The following DIAPH2 variants were observed in gnomAD, a reference collection of about 807,000 sequenced individuals.
The protein encoded by DIAPH2 is diaphanous related formin 2.
In DIAPH2, 35 loss-of-function variants were observed where a neutral mutation model predicts 92.7. That is an observed-to-expected ratio of 0.38 (90% CI 0.29 to 0.50). The LOEUF (loss-of-function observed/expected upper bound fraction) is 0.50. Ranked by LOEUF, DIAPH2 falls within the 20% of genes least tolerant of loss-of-function variation. The probability of loss-of-function intolerance (pLI) is 0.94; values close to 1 mark genes in which losing one functional copy is unlikely to be tolerated. For synonymous variants in DIAPH2, 301 were observed against 280.4 expected (o/e 1.07, Z -0.73); for missense variants, 701 against 819.5 (o/e 0.86, Z 1.77).
At chrX:97,270,931 C>T (rs2068381273) in intron 23 of DIAPH2, among the ~76,000 whole-genome samples, 1 of 110,633 alleles carries the variant, frequency 9.0e-6, no homozygotes, top group South Asian at 3.8e-4. Context: ...CTATTGTGTG[C>T]AAATTGTTAT....
At chrX:97,274,053 G>A (rs865777973) in intron 23 of DIAPH2, among the ~76,000 whole-genome samples, 9 of 90,092 alleles carry the variant, frequency 1.0e-4, no homozygotes, top group Admixed American at 6.3e-4. Context: ...GTGTGTGTGT[G>A]TATAGAGAGA....
intron 5 of DIAPH2, among the ~76,000 whole-genome samples, chrX:96,886,888 G>A (rs949953017): frequency 9.7e-6 from 1 of 102,759 alleles, no homozygotes; most frequent in Admixed American, 1.1e-4. Flanking sequence ...TATACTAGGA[G>A]CATGCGGAGG....
At chrX:97,537,351 T>C (rs1288410543) in intron 26 of DIAPH2, among the ~76,000 whole-genome samples, 1 of 111,921 alleles carries the variant, frequency 8.9e-6, no homozygotes, top group Admixed American at 9.5e-5. Context: ...AAATCCTATC[T>C]TATATTTGAA....
At chrX:97,323,625 C>T (rs1352512463) in intron 23 of DIAPH2, among the ~76,000 whole-genome samples, 2 of 98,690 alleles carry the variant, frequency 2.0e-5, no homozygotes, top group African/African-American at 7.5e-5. Context: ...GCTCAGGGAC[C>T]GGGTGCGGTG....
At chrX:96,940,446 T>A (rs770983968) in intron 12 of DIAPH2, among the ~76,000 whole-genome samples, 1 of 111,835 alleles carries the variant, frequency 8.9e-6, no homozygotes, top group Non-Finnish European at 1.9e-5. Flanking sequence ...GATGTTACAT[T>A]TAACTGTTCA....
rs1160707539 is a variant in DIAPH2 at position 97,602,931 on chromosome X, G to C, written c.*3614G>C. On this transcript the variant is annotated 3_prime_UTR_variant, in exon 27 of 27. Transcript: ENST00000324765. The stretch of plus-strand genomic sequence containing the variant: ...CTCAAAAATCTTGTGGGTCTTCTAC[G>C]TATGTCACATTGATTCACACATTCA... 9.0e-6 allele frequency: 1 copy of C among 110,641 alleles called. No homozygotes were observed. The highest frequency in any genetic ancestry group is 1.9e-5 in the Non-Finnish European group (1 of 52,569). 9.1% of individuals were successfully genotyped at this position (110,641 alleles called of 1,213,427 possible).
intron 20 of DIAPH2, among the ~76,000 whole-genome samples, chrX:97,110,348 T>C (rs2066970571): frequency 9.0e-6 from 1 of 111,547 alleles, no homozygotes; most frequent in Admixed American, 9.6e-5. Flanking sequence ...TAGTTTCAAA[T>C]CCTAGCAGAT....
intron 22 of DIAPH2, among the ~76,000 whole-genome samples, chrX:97,182,704 G>C (rs2067549749): frequency 9.0e-6 from 1 of 111,596 alleles, no homozygotes; most frequent in Non-Finnish European, 1.9e-5. Flanking sequence ...GCTGAATAGG[G>C]ATGCATTTTT....
chrX:97,563,561 A>C (rs1409389934), intron 26 of DIAPH2, among the ~76,000 whole-genome samples: 1 of 111,690 alleles, frequency 9.0e-6, no homozygotes, highest in African/African-American at 3.3e-5. Context: ...AAATTAAGGA[A>C]ACTAAAGTAG....
intron 17 of DIAPH2, among the ~76,000 whole-genome samples, chrX:97,032,124 G>A (rs775202455): frequency 8.5e-4 from 95 of 111,368 alleles, no homozygotes; most frequent in Non-Finnish European, 1.2e-3. Context: ...AACATGGAAT[G>A]AGAATATGTT....
rs758863894 is a variant in DIAPH2 at position 96,739,163 on chromosome X, A to T, written c.342+401A>T. The stretch of plus-strand genomic sequence containing the variant: ...ATATGAAATAGACTTGGGAGGGTAG[A>T]GAGTAACAATAGAAGGGACAGAGAA... On this transcript the variant is annotated intron_variant, in intron 3 of 26. Coordinates refer to ENST00000324765, the MANE Select transcript of DIAPH2 (RefSeq NM_006729.5). Among the ~76,000 whole-genome samples the T allele has an allele frequency of 2.7e-5, 3 of 111,612 alleles. No individual in the cohort carries two copies. The East Asian group carries it at 8.5e-4, about 32-fold the overall frequency.
intron 17 of DIAPH2, among the ~76,000 whole-genome samples, chrX:97,016,597 TC>T (rs1392093012): frequency 9.3e-4 from 104 of 111,701 alleles, no homozygotes; most frequent in African/African-American, 2.9e-3. Flanking sequence ...AGTCCTTTTT[TC>T]CCCCCTTAAT....
chrX:97,493,716 T>TA (rs773673837), intron 26 of DIAPH2, among the ~76,000 whole-genome samples: 2,364 of 102,095 alleles, frequency 0.023, 72 homozygotes, highest in African/African-American at 0.079. Context: ...CCATCTCTAC[T>TA]AAAAAAAAAA....
intron 23 of DIAPH2, among the ~76,000 whole-genome samples, chrX:97,335,704 A>G (rs1252072025): frequency 8.9e-6 from 1 of 112,103 alleles, no homozygotes; most frequent in African/African-American, 3.2e-5. Flanking sequence ...TCTCATTAGT[A>G]GGAACTAGCA....
intron 17 of DIAPH2, among the ~76,000 whole-genome samples, chrX:97,035,298 A>C (rs1019390210): frequency 8.9e-6 from 1 of 112,130 alleles, no homozygotes; most frequent in African/African-American, 3.2e-5. Context: ...TGATTTTTGC[A>C]TGAAGTTAAT....
intron 23 of DIAPH2, among the ~76,000 whole-genome samples, chrX:97,328,772 T>G (rs954879325): frequency 4.5e-5 from 5 of 111,793 alleles, no homozygotes; most frequent in African/African-American, 1.3e-4. Context: ...TGAGCTCTAA[T>G]ATATATACTT....
intron 10 of DIAPH2, among the ~76,000 whole-genome samples, chrX:96,935,341 C>A (rs1569430012): frequency 9.0e-6 from 1 of 111,070 alleles, no homozygotes; most frequent in East Asian, 2.8e-4. Context: ...TAAAGATAAA[C>A]ATATATATGT....
intron 1 of DIAPH2, among the ~76,000 whole-genome samples, chrX:96,700,045 A>G (rs1490290932): frequency 1.8e-5 from 2 of 111,654 alleles, no homozygotes; most frequent in Non-Finnish European, 3.8e-5. Context: ...GTCTCCCTCT[A>G]CTGCCCAGGC....
intron 4 of DIAPH2, among the ~76,000 whole-genome samples, chrX:96,768,014 G>A (rs1175103157): frequency 8.9e-6 from 1 of 111,743 alleles, no homozygotes; most frequent in African/African-American, 3.3e-5. Context: ...ATGGCTTCTC[G>A]TTCTAAATAA....
Sources: allele counts gnomAD v4.1 joint callset (sites outside exome capture counted in the v4.1 genomes callset), GRCh38; gene constraint gnomAD v4.1.1; transcripts MANE v1.5; gene names NCBI Gene and HGNC (gene_info 2026-07-23, HGNC 2026-07-21).